The following ZNF385D variants were observed in gnomAD, a reference collection of about 807,000 sequenced individuals.
The protein encoded by ZNF385D is zinc finger protein 659.
A neutral mutation model predicts 35.8 loss-of-function variants in ZNF385D; 15 were observed. The observed-to-expected ratio is 0.42, with a 90% CI of 0.28 to 0.64. The LOEUF (loss-of-function observed/expected upper bound fraction) is 0.64, where lower values mean the gene tolerates loss of function less well. ZNF385D is among the 30% of genes least tolerant of loss of function. The pLI, the probability that ZNF385D is intolerant of heterozygous loss-of-function variation, is 0.23. For synonymous variants in ZNF385D, 212 were observed against 186.8 expected (o/e 1.13, Z -1.10); for missense variants, 474 against 494.6 (o/e 0.96, Z 0.39).
intron 3 of ZNF385D, among the ~76,000 whole-genome samples, chr3:22,063,355 C>T (rs1260202461): frequency 1.3e-5 from 2 of 152,072 alleles, no homozygotes; most frequent in Non-Finnish European, 2.9e-5. Context: ...GATTAATCTT[C>T]TCTTAAAATA....
At chr3:22,247,692 C>G (rs918221079) in intron 2 of ZNF385D, among the ~76,000 whole-genome samples, 1 of 151,678 alleles carries the variant, frequency 6.6e-6, no homozygotes, top group South Asian at 2.1e-4. Flanking sequence ...TGCAGTGGTG[C>G]GATCTTGGCT....
chr3:21,982,213 T>A lies in ZNF385D; in HGVS notation c.325+186604A>T, dbSNP rs539266005. ...ATTCTTCCTATTCATGAGCGTGGGA[T>A]TTTTCTTCCATTTGTTTGTGTCTTG... On this transcript the variant is annotated intron_variant, in intron 3 of 5. Coordinates refer to the ZNF385D transcript ENST00000494108. 9.2e-5 allele frequency among the ~76,000 whole-genome samples: 14 copies of A among 152,144 alleles called. No individual in the cohort carries two copies. The East Asian group carries it at 2.5e-3, about 27-fold the overall frequency.
intron 3 of ZNF385D, among the ~76,000 whole-genome samples, chr3:21,967,212 T>A (rs1043848312): frequency 6.6e-6 from 1 of 152,174 alleles, no homozygotes; most frequent in Non-Finnish European, 1.5e-5. Flanking sequence ...AGTCTCTTTT[T>A]ATCTATTTCA....
At chr3:21,510,762 A>G (rs1254088627) in intron 4 of ZNF385D, 99 bp downstream of exon 4, 3 of 1,460,470 alleles carry the variant, frequency 2.1e-6, no homozygotes, top group Non-Finnish European at 2.8e-6. Flanking sequence ...GCATGAATCA[A>G]TATGGCAGGC....
intron 2 of ZNF385D, among the ~76,000 whole-genome samples, chr3:22,212,937 T>C (rs1419373212): frequency 2.6e-5 from 4 of 152,040 alleles, no homozygotes; most frequent in Non-Finnish European, 4.4e-5. Context: ...ATCAATTGTA[T>C]TAATTTAGAA....
At chr3:21,719,407 C>A (rs994589066) in intron 1 of ZNF385D, among the ~76,000 whole-genome samples, 2 of 152,224 alleles carry the variant, frequency 1.3e-5, no homozygotes, top group African/African-American at 4.8e-5. Flanking sequence ...AGAGCCAACA[C>A]AATAAGCCTC....
At chr3:21,754,123 A>G (rs186335635), upstream of ZNF385D, among the ~76,000 whole-genome samples, 681 of 152,318 alleles carry the variant, frequency 4.5e-3, 5 homozygotes, top group African/African-American at 0.015. Context: ...TGTGAGTAAT[A>G]CTGCAATGAA....
chr3:21,827,041 C>A (rs1421573593), intron 3 of ZNF385D, among the ~76,000 whole-genome samples: 2 of 152,012 alleles, frequency 1.3e-5, no homozygotes, highest in Non-Finnish European at 2.9e-5. Flanking sequence ...AGTAATTTTG[C>A]CATTAAAAGT....
chr3:22,101,276 A>T (rs557263119), intron 3 of ZNF385D, among the ~76,000 whole-genome samples: 1 of 152,212 alleles, frequency 6.6e-6, no homozygotes, highest in South Asian at 2.1e-4. Context: ...ATAATGATAT[A>T]TAAAGGGCTA....
intron 3 of ZNF385D, among the ~76,000 whole-genome samples, chr3:22,009,407 A>G (rs1004494876): frequency 6.6e-6 from 1 of 152,122 alleles, no homozygotes; most frequent in African/African-American, 2.4e-5. Context: ...GCAGATCAAG[A>G]GGCGAGGAGA....
At chr3:21,813,663 A>G (rs1029119972) in intron 3 of ZNF385D, among the ~76,000 whole-genome samples, 1 of 151,994 alleles carries the variant, frequency 6.6e-6, no homozygotes, top group African/African-American at 2.4e-5. Context: ...AAAAGAGTAA[A>G]AAGAAATGAA....
chr3:21,635,537 TTG>T (rs1363371099), intron 2 of ZNF385D, among the ~76,000 whole-genome samples: 38 of 119,086 alleles, frequency 3.2e-4, no homozygotes, highest in African/African-American at 1.1e-3. Flanking sequence ...TCACTGTTTG[TTG>T]TTGTTGTTGT....
chr3:21,571,977 A>C (rs771578636), intron 2 of ZNF385D, among the ~76,000 whole-genome samples: 6 of 152,078 alleles, frequency 3.9e-5, no homozygotes, highest in Non-Finnish European at 7.4e-5. Context: ...TGTGGATTGC[A>C]TTATCTAGGC....
At chr3:21,774,299 A>T (rs2071199350) in intron 3 of ZNF385D, among the ~76,000 whole-genome samples, 1 of 150,080 alleles carries the variant, frequency 6.7e-6, no homozygotes, top group Admixed American at 6.7e-5. Context: ...GAGGGAGAGC[A>T]TCAGGGAGAA....
At chr3:22,292,491 C>T (rs1054768175) in intron 2 of ZNF385D, among the ~76,000 whole-genome samples, 3 of 151,976 alleles carry the variant, frequency 2.0e-5, no homozygotes, top group Non-Finnish European at 4.4e-5. Context: ...AGTACTTGAT[C>T]GCCCAGTACT....
At chr3:22,212,684 A>C (rs953350560) in intron 2 of ZNF385D, among the ~76,000 whole-genome samples, 8 of 152,154 alleles carry the variant, frequency 5.3e-5, no homozygotes, top group African/African-American at 1.7e-4. Flanking sequence ...TGTAAAGGCA[A>C]ATAAAAGCTC....
chr3:22,106,959 A>C (rs1211282803), intron 3 of ZNF385D, among the ~76,000 whole-genome samples: 1 of 150,938 alleles, frequency 6.6e-6, no homozygotes, highest in Non-Finnish European at 1.5e-5. Flanking sequence ...TCTCTCTGAC[A>C]TGAGCTCCTG....
intron 3 of ZNF385D, among the ~76,000 whole-genome samples, chr3:22,066,738 G>C (rs1304147362): frequency 6.6e-6 from 1 of 152,116 alleles, no homozygotes; most frequent in Non-Finnish European, 1.5e-5. Flanking sequence ...TGTGCACTTA[G>C]ATATTCACAT....
intron 2 of ZNF385D, among the ~76,000 whole-genome samples, chr3:22,321,953 T>C (rs1694457486): frequency 6.6e-6 from 1 of 152,134 alleles, no homozygotes; most frequent in Admixed American, 6.6e-5. Flanking sequence ...ATTGTTAATC[T>C]CTTCTTTTTC....
Sources: gnomAD v4.1 joint callset for allele counts (sites outside exome capture counted in the v4.1 genomes callset) on GRCh38, gnomAD v4.1.1 for gene constraint, MANE v1.5 for transcripts, NCBI Gene and HGNC (gene_info 2026-07-23, HGNC 2026-07-21) for gene names.